The following ASIC2 variants were observed in gnomAD, a reference collection of about 807,000 sequenced individuals.
ASIC2 encodes acid-sensing ion channel 2.
Under a neutral mutation model 57.3 loss-of-function variants are expected in ASIC2, and 25 were observed. The observed-to-expected ratio is 0.44, with a 90% confidence interval of 0.32 to 0.61. ASIC2 has a LOEUF of 0.61. Among genes scored for constraint, ASIC2 ranks in the 20% least tolerant of loss-of-function variants. ASIC2 has a pLI of 0.06. For synonymous variants in ASIC2, 319 were observed against 307.5 expected, an observed-to-expected ratio of 1.04 and a Z score of -0.39; for missense variants, 641 against 738.1, an observed-to-expected ratio of 0.87 and a Z score of 1.52.
intron 1 of ASIC2, among the ~76,000 whole-genome samples, chr17:33,417,955 A>C (rs575610905): frequency 6.6e-6 from 1 of 151,512 alleles, no homozygotes; most frequent in South Asian, 2.1e-4. Context: ...CAGCCCAGTC[A>C]ACCCTATTTT....
intron 3 of ASIC2, among the ~76,000 whole-genome samples, chr17:33,056,640 G>A (rs2091999279): frequency 6.6e-6 from 1 of 152,174 alleles, no homozygotes; most frequent in East Asian, 1.9e-4. Context: ...ACTGGCCAGC[G>A]AATGAATGAC....
intron 1 of ASIC2, among the ~76,000 whole-genome samples, chr17:33,542,230 G>T (rs1915435540): frequency 6.6e-6 from 1 of 151,824 alleles, no homozygotes; most frequent in Non-Finnish European, 1.5e-5. Flanking sequence ...CTTTATAGCA[G>T]CATGATTTAT....
At chr17:33,032,490 C>T (rs753057328) in intron 3 of ASIC2, among the ~76,000 whole-genome samples, 2 of 127,950 alleles carry the variant, frequency 1.6e-5, no homozygotes, top group Non-Finnish European at 3.1e-5. Context: ...ACTCTCTTAC[C>T]CAGGCTGGAG....
At chr17:33,538,099 T>G (rs1164283579) in intron 1 of ASIC2, among the ~76,000 whole-genome samples, 1 of 152,218 alleles carries the variant, frequency 6.6e-6, no homozygotes, top group Non-Finnish European at 1.5e-5. Flanking sequence ...TGGCATGCAG[T>G]AAGTGTTCAA....
intron 3 of ASIC2, among the ~76,000 whole-genome samples, chr17:33,075,644 G>A (rs1045659661): frequency 5.3e-5 from 8 of 152,162 alleles, no homozygotes; most frequent in African/African-American, 1.9e-4. Flanking sequence ...TGCTCCTTCT[G>A]CTGGTTCCCA....
At chr17:33,383,611 G>C (rs1227776034) in intron 1 of ASIC2, among the ~76,000 whole-genome samples, 2 of 152,186 alleles carry the variant, frequency 1.3e-5, no homozygotes, top group Admixed American at 6.5e-5. Context: ...ATGTCTCACT[G>C]TCTGGACATC....
At chr17:33,916,529 C>T (rs973943147) in intron 1 of ASIC2, among the ~76,000 whole-genome samples, 7 of 152,168 alleles carry the variant, frequency 4.6e-5, no homozygotes, top group African/African-American at 1.4e-4. Flanking sequence ...TAGCTGAAGC[C>T]AGCTCACTGG....
At chr17:34,080,772 C>A (rs1436738533) in intron 1 of ASIC2, 1 of 152,236 alleles carries the variant, frequency 6.6e-6, no homozygotes, top group Non-Finnish European at 1.5e-5. Context: ...TCAAGACAGT[C>A]CTGCCCAATA....
chr17:34,012,069 G>T (rs775755375), intron 1 of ASIC2, among the ~76,000 whole-genome samples: 1 of 152,030 alleles, frequency 6.6e-6, no homozygotes, highest in Non-Finnish European at 1.5e-5. Flanking sequence ...CCTTATTTTG[G>T]TTATTTGCAA....
intron 1 of ASIC2, among the ~76,000 whole-genome samples, chr17:33,351,639 A>G (rs1347977187): frequency 1.3e-5 from 2 of 152,132 alleles, no homozygotes; most frequent in African/African-American, 2.4e-5. Flanking sequence ...TCCAAGCTGT[A>G]CTCGTGATTA....
At chr17:33,438,491 A>G (rs1471559065) in intron 1 of ASIC2, among the ~76,000 whole-genome samples, 2 of 152,150 alleles carry the variant, frequency 1.3e-5, no homozygotes, top group Non-Finnish European at 2.9e-5. Context: ...ATCTTCACAT[A>G]GTAAGACAAA....
chr17:33,019,457 G>A (rs938905977), intron 7 of ASIC2, among the ~76,000 whole-genome samples: 7 of 151,982 alleles, frequency 4.6e-5, no homozygotes, highest in African/African-American at 1.5e-4. Flanking sequence ...GCATTTGTGT[G>A]TGTGGTCCTG....
At chr17:33,772,449 C>T (rs1467310788) in intron 1 of ASIC2, among the ~76,000 whole-genome samples, 1 of 152,182 alleles carries the variant, frequency 6.6e-6, no homozygotes, top group Non-Finnish European at 1.5e-5. Flanking sequence ...TCTAAAGGCT[C>T]CTGTGTTACA....
intron 3 of ASIC2, among the ~76,000 whole-genome samples, chr17:33,031,316 A>G (rs1455125441): frequency 3.3e-5 from 5 of 152,072 alleles, no homozygotes; most frequent in Non-Finnish European, 5.9e-5. Flanking sequence ...AGTTGTATGT[A>G]ATATTCTTAT....
At chr17:33,881,982 CAA>C (rs1324970045) in intron 1 of ASIC2, among the ~76,000 whole-genome samples, 1 of 152,156 alleles carries the variant, frequency 6.6e-6, no homozygotes, top group Non-Finnish European at 1.5e-5. Context: ...TGATCTTTGA[CAA>C]ACCTGACAAA....
At chr17:33,084,873 T>C (rs1345567065) in intron 3 of ASIC2, among the ~76,000 whole-genome samples, 1 of 152,204 alleles carries the variant, frequency 6.6e-6, no homozygotes, top group Non-Finnish European at 1.5e-5. Context: ...CTTGACTTAT[T>C]TGTTTTTAGG....
At chr17:33,270,744 C>G (rs113047898) in intron 1 of ASIC2, among the ~76,000 whole-genome samples, 1 of 152,214 alleles carries the variant, frequency 6.6e-6, no homozygotes, top group African/African-American at 2.4e-5. Flanking sequence ...CAAATGAAAT[C>G]TTCCCTTCCT....
chr17:33,037,201 C>G (rs774632799), intron 3 of ASIC2, among the ~76,000 whole-genome samples: 1 of 149,176 alleles, frequency 6.7e-6, no homozygotes, highest in Non-Finnish European at 1.5e-5. Flanking sequence ...AACACACAAT[C>G]TGGATTTTGG....
chr17:34,073,133 T>A (rs1909485233), intron 1 of ASIC2, among the ~76,000 whole-genome samples: 1 of 152,176 alleles, frequency 6.6e-6, no homozygotes, highest in Non-Finnish European at 1.5e-5. Flanking sequence ...GTCAGGAAAC[T>A]TTTTCTATAA....
Sources: allele counts gnomAD v4.1 joint callset (sites outside exome capture counted in the v4.1 genomes callset), GRCh38; gene constraint gnomAD v4.1.1; transcripts MANE v1.5; gene names NCBI Gene and HGNC (gene_info 2026-07-23, HGNC 2026-07-21).